WDR45B: variants seen among roughly 807,000 people sequenced by gnomAD.
WDR45B encodes WD repeat domain phosphoinositide-interacting protein 3.
WDR45B carries 20 observed loss-of-function variants against 44.6 expected under a neutral mutation model. The ratio of observed to expected loss-of-function variants is 0.45; its 90% CI spans 0.32 to 0.65. The LOEUF is 0.65. Among genes scored for constraint, WDR45B ranks in the 30% least tolerant of loss-of-function variants. WDR45B has a pLI of 0.05. For synonymous variants in WDR45B, 169 were observed against 164.9 expected (o/e 1.02, Z -0.19); for missense variants, 323 against 430.2 (o/e 0.75, Z 2.20).
chr17:82,634,987 C>A (rs1208747831), intron 2 of WDR45B, among the ~76,000 whole-genome samples: 1 of 151,962 alleles, frequency 6.6e-6, no homozygotes, highest in Non-Finnish European at 1.5e-5. Context: ...TTCATGGAGA[C>A]AGAAAAGTAG....
At chr17:82,618,593 C>T (rs1485764576) in intron 7 of WDR45B, among the ~76,000 whole-genome samples, 2 of 152,152 alleles carry the variant, frequency 1.3e-5, no homozygotes, top group South Asian at 2.1e-4. Context: ...AACAATTAGC[C>T]GGGCGTGGTG....
At chr17:82,644,067 G>A (rs1318115480) in intron 1 of WDR45B, 44 bp from the exon 2 acceptor site, 2 of 1,596,766 alleles carry the variant, frequency 1.3e-6, no homozygotes, top group Non-Finnish European at 1.7e-6. Context: ...CAGGCCTGGA[G>A]TGGTTAAAAG....
intron 1 of WDR45B, among the ~76,000 whole-genome samples, chr17:82,646,488 C>CAAAAAAAAAAAAAAAAAAAAAAAAAAAAA (rs779661551): frequency 1.0e-4 from 2 of 19,944 alleles, no homozygotes; most frequent in Non-Finnish European, 2.0e-4. Context: ...AACTCCGTCT[C>CAAAAAAAAAAAAAAAAAAAAAAAAAAAAA]AAAAAAAAAA....
chr17:82,644,044 A>C, intron 1 of WDR45B, 21 bp from the exon 2 acceptor site: 1 of 1,613,420 alleles, frequency 6.2e-7, no homozygotes, highest in South Asian at 1.1e-5. Context: ...AGTGTAAAAG[A>C]GACATTAATC....
At chr17:82,647,188 C>T (rs2045989171) in intron 1 of WDR45B, among the ~76,000 whole-genome samples, 1 of 119,732 alleles carries the variant, frequency 8.4e-6, no homozygotes, top group African/African-American at 3.0e-5. Context: ...GAGATCGCAC[C>T]AGGCTGGGCG....
intron 1 of WDR45B, among the ~76,000 whole-genome samples, chr17:82,644,919 G>C (rs2045957531): frequency 6.6e-6 from 1 of 152,200 alleles, no homozygotes. Context: ...CCAGCACTTT[G>C]GGAGACCGAG....
chr17:82,615,447 G>C lies in WDR45B; in HGVS notation c.*472C>G, dbSNP rs1468270682. The C allele has an allele frequency of 5.3e-6, 1 of 189,488 alleles. No individual in the cohort carries two copies. Among genetic ancestry groups the C allele is most frequent in the Non-Finnish European group, 1.1e-5 (1 of 89,202 alleles). 11.7% of individuals were successfully genotyped at this position (189,488 alleles called of 1,614,324 possible). On this transcript the variant is annotated 3_prime_UTR_variant, in exon 10 of 10. Coordinates refer to ENST00000392325, the MANE Select transcript of WDR45B (RefSeq NM_019613.4). ...AGGAATTCCTTTCTCCTTTTCTAAGGCAAGCTGCTGGTGTTGTATTCAATC... is the reference window on the plus strand; with the variant it reads ...AGGAATTCCTTTCTCCTTTTCTAAGCCAAGCTGCTGGTGTTGTATTCAATC...
At chr17:82,627,354 G>A (rs1049874758) in intron 3 of WDR45B, 63 bp from the exon 4 acceptor site, 16 of 1,374,204 alleles carry the variant, frequency 1.2e-5, no homozygotes, top group South Asian at 2.3e-5. Flanking sequence ...GGGATGCAGC[G>A]ATGCCAGCTT....
At chr17:82,630,596 C>G (rs183887501) in intron 3 of WDR45B, among the ~76,000 whole-genome samples, 1 of 152,252 alleles carries the variant, frequency 6.6e-6, no homozygotes, top group Non-Finnish European at 1.5e-5. Context: ...CAATGGCTCT[C>G]TGTAAGAAAA....
intron 1 of WDR45B, chr17:82,644,325 G>C (rs944846342): frequency 2.0e-5 from 9 of 444,966 alleles, no homozygotes; most frequent in Non-Finnish European, 8.3e-6. Flanking sequence ...AGTGACAAAC[G>C]TGAAGGACAC....
At chr17:82,644,177 A>G in intron 1 of WDR45B, 154 bp from the exon 2 acceptor site, 1 of 727,176 alleles carries the variant, frequency 1.4e-6, no homozygotes, top group Non-Finnish European at 2.5e-6. Context: ...CCTTGTACAA[A>G]TGTTACTAAG....
intron 2 of WDR45B, among the ~76,000 whole-genome samples, chr17:82,637,281 C>T (rs533496332): frequency 6.7e-4 from 102 of 152,038 alleles, no homozygotes; most frequent in African/African-American, 2.2e-3. Flanking sequence ...CAATAGGTTG[C>T]GTAGGACACA....
Position 82,630,815 on chromosome 17 carries a change from A to G in WDR45B, c.244+106T>C. The G allele has an allele frequency of 2.6e-6, 3 of 1,143,412 alleles. No individual in the cohort carries two copies. The East Asian group carries it at 7.1e-5, about 27-fold the overall frequency. The allele number at this position is 1,143,412 out of a possible 1,614,324, so 70.8% of individuals were successfully genotyped here. On this transcript the variant is annotated intron_variant, in intron 3 of 9. Transcript: ENST00000392325. ...CCCAGTGACCAGTCCTGGATATTTC[A>G]CAGAACTACTAGGGAAAATCACACA...
intron 1 of WDR45B, among the ~76,000 whole-genome samples, chr17:82,647,057 C>A (rs898378416): frequency 2.0e-5 from 3 of 152,084 alleles, no homozygotes; most frequent in African/African-American, 4.8e-5. Flanking sequence ...GGTGAAACCC[C>A]GTCTCTACTA....
chr17:82,647,390 C>G (rs1412982223), intron 1 of WDR45B, among the ~76,000 whole-genome samples: 1 of 152,170 alleles, frequency 6.6e-6, no homozygotes, highest in Non-Finnish European at 1.5e-5. Flanking sequence ...CTTTGGGAAG[C>G]GCGCCCTTCA....
At position 82,620,651 on chromosome 17, in the gene WDR45B, C is replaced by T. The variant is rs2045601973; in HGVS notation, c.618+958G>A. ...ATACCATCACCGGCTTGCGGTCTCA[C>T]CTCCTTAACAATTTATAATTTCCTA... is the stretch of plus-strand genomic sequence containing the variant. On this transcript the variant is annotated intron_variant, in intron 6 of 9. Transcript: ENST00000392325. Among the ~76,000 whole-genome samples the T allele has an allele frequency of 9.2e-5, 14 of 152,202 alleles. No homozygotes were observed. In the South Asian group the frequency reaches 2.9e-3, roughly 32 times the overall value.
chr17:82,625,378 C>T lies in WDR45B; in HGVS notation c.427+11G>A. 6.2e-7 allele frequency: 1 copy of T among 1,613,858 alleles called. No individual in the cohort carries two copies. The highest frequency in any genetic ancestry group is 8.5e-7 in the Non-Finnish European group (1 of 1,179,790). On this transcript the variant is annotated intron_variant, in intron 5 of 9. Transcript: ENST00000392325. ...CATTTCCCATCGCCACCCGTCTGCT[C>T]AATCTCTCACCTTTGGGGTTATAGC...
chr17:82,627,116 C>T, intron 4 of WDR45B, 88 bp downstream of exon 4: 1 of 1,093,348 alleles, frequency 9.1e-7, no homozygotes, highest in East Asian at 2.3e-5. Flanking sequence ...ATTTCCTAAA[C>T]ATTTTTCTGC....
At chr17:82,637,151 C>G (rs2045843140) in intron 2 of WDR45B, among the ~76,000 whole-genome samples, 1 of 151,992 alleles carries the variant, frequency 6.6e-6, no homozygotes, top group Non-Finnish European at 1.5e-5. Context: ...TTTATTTATT[C>G]CTGGAACATT....
Sources: allele counts gnomAD v4.1 joint callset (sites outside exome capture counted in the v4.1 genomes callset), GRCh38; gene constraint gnomAD v4.1.1; transcripts MANE v1.5; gene names NCBI Gene and HGNC (gene_info 2026-07-23, HGNC 2026-07-21).